BRINP3: variants seen among roughly 807,000 people sequenced by gnomAD.
BRINP3 encodes the protein BMP/retinoic acid inducible neural specific 3, also known as BMP/retinoic acid-inducible neural-specific protein 3.
BRINP3 carries 19 observed loss-of-function variants against 71.0 expected under a neutral mutation model. That is an observed-to-expected ratio of 0.27 (90% CI 0.19 to 0.39). The LOEUF (loss-of-function observed/expected upper bound fraction) is 0.39, where lower values mean the gene tolerates loss of function less well. Ranked by LOEUF, BRINP3 falls within the 10% of genes least tolerant of loss-of-function variation. The pLI, the probability that BRINP3 is intolerant of heterozygous loss-of-function variation, is 1.00. For missense variants in BRINP3, 959 were observed against 940.8 expected (o/e 1.02, Z -0.25); for synonymous variants, 380 against 337.7 (o/e 1.13, Z -1.37).
rs1036083816 is a variant in BRINP3, at chr1:190,249,011, T to C, written c.619-14534A>G. On this transcript the variant is annotated intron_variant, in intron 4 of 7. Coordinates refer to ENST00000367462, the MANE Select transcript of BRINP3 (RefSeq NM_199051.3). ...CTTATAGTGATTTTTCTAAAAGATA[T>C]TGCTTTTTGTGGGATGCCTCAGAGT... Among the ~76,000 whole-genome samples, 4 of 152,024 alleles carry C rather than the reference T, an allele frequency of 2.6e-5. No homozygotes were observed. In the South Asian group the frequency reaches 6.2e-4, roughly 24 times the overall value.
intron 7 of BRINP3, among the ~76,000 whole-genome samples, chr1:190,124,356 A>T (rs76735822): frequency 6.6e-6 from 1 of 152,040 alleles, no homozygotes; most frequent in Admixed American, 6.6e-5. Flanking sequence ...GTGAGAAATA[A>T]ATTTCTCTCA....
At chr1:190,307,265 T>TG (rs1246860556) in intron 2 of BRINP3, among the ~76,000 whole-genome samples, 9 of 120,358 alleles carry the variant, frequency 7.5e-5, no homozygotes, top group Non-Finnish European at 1.4e-4. Flanking sequence ...ATTGTTTTTT[T>TG]TTTTTTTTTT....
At chr1:190,440,699 C>T (rs994606740) in intron 2 of BRINP3, among the ~76,000 whole-genome samples, 1 of 152,012 alleles carries the variant, frequency 6.6e-6, no homozygotes, top group Admixed American at 6.6e-5. Flanking sequence ...ACTTATCACT[C>T]TATCCAACTA....
rs539597517 is a variant in BRINP3 at position 190,309,839 on chromosome 1, G to A, written c.237-28089C>T. Among the ~76,000 whole-genome samples, 12 of 151,716 alleles carry A rather than the reference G, an allele frequency of 7.9e-5. No homozygotes were observed. In the South Asian group the frequency reaches 2.3e-3, roughly 29 times the overall value. ...TTTGCTAATCTGAAAATATTACTTG[G>A]TTAATTCTAGTTATAAAAATAACAT... is the stretch of plus-strand genomic sequence containing the variant. On this transcript the variant is annotated intron_variant, in intron 2 of 7. Coordinates refer to ENST00000367462, the MANE Select transcript of BRINP3 (RefSeq NM_199051.3).
intron 2 of BRINP3, among the ~76,000 whole-genome samples, chr1:190,395,618 A>C (rs1172665536): frequency 6.6e-6 from 1 of 151,694 alleles, no homozygotes; most frequent in African/African-American, 2.4e-5. Flanking sequence ...AAGAAACATA[A>C]ATCTTTTAAT....
At position 190,454,753 on chromosome 1, in the gene BRINP3, C is replaced by A; in HGVS notation, c.138G>T (p.Trp46Cys). Residue 46 changes from tryptophan to cysteine, a missense_variant, in exon 2 of 8, where the codon TGG becomes TGT. Trp to Cys is a radical substitution (Grantham distance 215, BLOSUM62 -2). Coordinates refer to ENST00000367462, the MANE Select transcript of BRINP3 (RefSeq NM_199051.3). ...SDQHATSPFD[W>C]LLSDKGPFHR... ...GGAAGGGTCCCTTATCAGAGAGGAG[C>A]CAGTCGAAGGGGCTTGTGGCATGCT... is the stretch of plus-strand genomic sequence containing the variant. 1 of 1,614,104 alleles carries A rather than the reference C, an allele frequency of 6.2e-7. No individual in the cohort carries two copies. The highest frequency in any genetic ancestry group is 8.5e-7 in the Non-Finnish European group (1 of 1,180,024).
At chr1:190,399,005 C>G (rs908255338) in intron 2 of BRINP3, among the ~76,000 whole-genome samples, 17 of 151,940 alleles carry the variant, frequency 1.1e-4, no homozygotes, top group African/African-American at 4.1e-4. Flanking sequence ...GGTTTCATGG[C>G]TAATATCTAT....
intron 6 of BRINP3, among the ~76,000 whole-genome samples, chr1:190,216,198 A>C (rs899300466): frequency 6.6e-6 from 1 of 151,792 alleles, no homozygotes; most frequent in Non-Finnish European, 1.5e-5. Flanking sequence ...TTAAGTTTGA[A>C]TCCTTGATCC....
intron 2 of BRINP3, among the ~76,000 whole-genome samples, chr1:190,394,894 C>A (rs1481203253): frequency 2.0e-5 from 3 of 151,620 alleles, no homozygotes; most frequent in African/African-American, 7.3e-5. Flanking sequence ...AAGGGAAAGA[C>A]TGTTGAATGC....
At chr1:190,220,546 T>C (rs936077535) in intron 6 of BRINP3, among the ~76,000 whole-genome samples, 1 of 152,026 alleles carries the variant, frequency 6.6e-6, no homozygotes, top group African/African-American at 2.4e-5. Flanking sequence ...ATAATTTTTT[T>C]TAAAAAAGAA....
At chr1:190,439,637 G>C (rs1167364297) in intron 2 of BRINP3, among the ~76,000 whole-genome samples, 1 of 151,768 alleles carries the variant, frequency 6.6e-6, no homozygotes, top group East Asian at 1.9e-4. Flanking sequence ...AGAAGTAGAA[G>C]ACAGATAACC....
At chr1:190,325,205 T>A (rs994595847) in intron 2 of BRINP3, among the ~76,000 whole-genome samples, 8 of 151,878 alleles carry the variant, frequency 5.3e-5, no homozygotes, top group South Asian at 2.1e-4. Context: ...AAAAATAGAT[T>A]AATTGCTCCA....
rs1334649245 is a variant in BRINP3, at chr1:190,405,485, AAAAAAAAC to A, written c.236+49162_236+49169del. Among the ~76,000 whole-genome samples, 358 of 73,838 alleles carry A rather than the reference AAAAAAAAC, an allele frequency of 4.8e-3. 24 individuals carry two copies. Among genetic ancestry groups the A allele is most frequent in the Non-Finnish European group, 6.9e-3 (257 of 37,164 alleles). The allele number at this position is 73,838 out of a possible 152,430, so 48.4% of individuals were successfully genotyped here. A position where few individuals can be genotyped will look rare whatever the true frequency, so the allele number is the denominator to read the frequency against. On this transcript the variant is annotated intron_variant, in intron 2 of 7. Coordinates refer to ENST00000367462, the MANE Select transcript of BRINP3 (RefSeq NM_199051.3). ...AAAAAAAAAAAAAAAAAAAAAAAAA[AAAAAAAAC>A]CAGAATCAGAAGCGTGACATATCAT...
chr1:190,138,964 G>T (rs1655199867), intron 7 of BRINP3, among the ~76,000 whole-genome samples: 1 of 152,102 alleles, frequency 6.6e-6, no homozygotes, highest in Non-Finnish European at 1.5e-5. Context: ...GAAAATCCAT[G>T]CTGGGTTTAG....
Position 190,165,443 on chromosome 1 carries a change from G to GTTTTTT in BRINP3, c.962-4559_962-4554dup, listed in dbSNP as rs1222291505. Reference sequence around the variant, plus strand: ...GCAAGTATGCTCTGTTTCATTGGCTGTTTTTTTTTTTTTTTTTTGTGTGTG... The same window carrying GTTTTTT: ...GCAAGTATGCTCTGTTTCATTGGCTGTTTTTTTTTTTTTTTTTTTTTTTTGTGTGTG... On this transcript the variant is annotated intron_variant, in intron 6 of 7. Transcript: ENST00000367462. Among the ~76,000 whole-genome samples, 56 of 46,596 alleles carry GTTTTTT rather than the reference G, an allele frequency of 1.2e-3. 8 individuals are homozygous for GTTTTTT. The East Asian group carries it at 0.012, about 10-fold the overall frequency. The allele number at this position is 46,596 out of a possible 152,430, so 30.6% of individuals were successfully genotyped here. A position where few individuals can be genotyped will look rare whatever the true frequency, so the allele number is the denominator to read the frequency against.
At chr1:190,144,593 C>T (rs1455097828) in intron 7 of BRINP3, among the ~76,000 whole-genome samples, 2 of 152,066 alleles carry the variant, frequency 1.3e-5, no homozygotes, top group African/African-American at 4.8e-5. Flanking sequence ...GTTAAAGTTA[C>T]ATCATTTTTA....
intron 7 of BRINP3, among the ~76,000 whole-genome samples, chr1:190,156,691 T>TAATA (rs1558016822): frequency 6.6e-6 from 1 of 152,032 alleles, no homozygotes; most frequent in African/African-American, 2.4e-5. Context: ...GTGTGGTGAC[T>TAATA]AATAGTCAAC....
intron 2 of BRINP3, among the ~76,000 whole-genome samples, chr1:190,370,735 C>T (rs936193637): frequency 6.6e-6 from 1 of 152,208 alleles, no homozygotes; most frequent in African/African-American, 2.4e-5. Flanking sequence ...CTGACCTTTG[C>T]AGCTACTCTG....
intron 2 of BRINP3, among the ~76,000 whole-genome samples, chr1:190,315,461 C>A (rs530822793): frequency 6.6e-6 from 1 of 152,232 alleles, no homozygotes; most frequent in African/African-American, 2.4e-5. Context: ...CAACTAATTT[C>A]CTCACAGAGA....
Sources: gnomAD v4.1 joint callset for allele counts (sites outside exome capture counted in the v4.1 genomes callset) on GRCh38, gnomAD v4.1.1 for gene constraint, MANE v1.5 for transcripts, NCBI Gene and HGNC (gene_info 2026-07-23, HGNC 2026-07-21) for gene names.